LEKR1: variants seen among roughly 807,000 people sequenced by gnomAD.
LEKR1 encodes the protein leucine, glutamate and lysine rich 1.
In LEKR1, 59 loss-of-function variants were observed where a neutral mutation model predicts 72.4. The ratio of observed to expected loss-of-function variants is 0.82; its 90% CI spans 0.66 to 1.01. The LOEUF (loss-of-function observed/expected upper bound fraction) is 1.01, where lower values mean the gene tolerates loss of function less well. LEKR1 is among the 50% of genes least tolerant of loss of function. The pLI is 0.00. For synonymous variants in LEKR1, 257 were observed against 263.2 expected (o/e 0.98, Z 0.23); for missense variants, 728 against 759.2 (o/e 0.96, Z 0.48).
intron 9 of LEKR1, among the ~76,000 whole-genome samples, chr3:157,007,728 C>T (rs1478797541): frequency 6.6e-6 from 1 of 152,206 alleles, no homozygotes; most frequent in Non-Finnish European, 1.5e-5. Context: ...AAGAGCTGCT[C>T]CCTGGGCTCT....
chr3:156,931,574 C>G (rs1725228007), intron 5 of LEKR1, among the ~76,000 whole-genome samples: 1 of 152,032 alleles, frequency 6.6e-6, no homozygotes, highest in African/African-American at 2.4e-5. Flanking sequence ...AAGCTTAATT[C>G]AAAATATCCT....
At chr3:156,850,431 G>T (rs1285148680) in intron 2 of LEKR1, among the ~76,000 whole-genome samples, 1 of 152,064 alleles carries the variant, frequency 6.6e-6, no homozygotes, top group African/African-American at 2.4e-5. Context: ...TGGCAAGTAG[G>T]GAAGCCACAA....
intron 5 of LEKR1, among the ~76,000 whole-genome samples, chr3:156,933,028 TCAAACAAACAAA>T (rs373732154): frequency 6.6e-6 from 1 of 151,894 alleles, no homozygotes; most frequent in Non-Finnish European, 1.5e-5. Flanking sequence ...AGACTCCGTC[TCAAACAAACAAA>T]CAAACAAACA....
At chr3:157,030,216 C>A in intron 12 of LEKR1, among the ~76,000 whole-genome samples, 1 of 152,146 alleles carries the variant, frequency 6.6e-6, no homozygotes, top group East Asian at 1.9e-4. Context: ...AGAACTCATT[C>A]ATCACCAAGG....
intron 6 of LEKR1, among the ~76,000 whole-genome samples, chr3:156,965,576 T>C (rs1387438653): frequency 6.6e-6 from 1 of 152,172 alleles, no homozygotes; most frequent in Non-Finnish European, 1.5e-5. Context: ...TATATATCCA[T>C]ACTTATTCTA....
At chr3:156,946,510 TTGTG>T (rs1043068329) in intron 6 of LEKR1, among the ~76,000 whole-genome samples, 4 of 151,556 alleles carry the variant, frequency 2.6e-5, no homozygotes, top group Admixed American at 2.0e-4. Context: ...GGCATCCTTG[TTGTG>T]TTCCAGACTT....
rs1158187025 is a variant in LEKR1, at chr3:156,849,404, CTACTT to C, written c.49-3361_49-3357del. 6.6e-5 allele frequency among the ~76,000 whole-genome samples: 10 copies of C among 152,258 alleles called. No individual in the cohort carries two copies. In the East Asian group the frequency reaches 1.7e-3, roughly 26 times the overall value. On this transcript the variant is annotated intron_variant, in intron 2 of 12. Coordinates refer to ENST00000356539, the MANE Select transcript of LEKR1 (RefSeq NM_001004316.3). ...ACTTTCTTCACAGAATTGGAAAAAA[CTACTT>C]TAAAGTTCATATGGAACCAAAAAAG...
In LEKR1 at chr3:156,899,468, GTATATATACATACATACATATATACACAT is replaced by G. The variant is rs1721646603; in HGVS notation, c.264-21106_264-21078del. Among the ~76,000 whole-genome samples, 3 of 63,916 alleles carry G rather than the reference GTATATATACATACATACATATATACACAT, an allele frequency of 4.7e-5. 1 individual carries two copies. Among genetic ancestry groups the G allele is most frequent in the African/African-American group, 1.8e-4 (3 of 17,026 alleles). The allele number at this position is 63,916 out of a possible 152,430, so 41.9% of individuals were successfully genotyped here. ...TATACATATATACACATATATACAT[GTATATATACATACATACATATATACACAT>G]ATATACATGTATATATACATACATA... is the stretch of plus-strand genomic sequence containing the variant. On this transcript the variant is annotated intron_variant, in intron 3 of 12. Coordinates refer to ENST00000356539, the MANE Select transcript of LEKR1 (RefSeq NM_001004316.3).
chr3:156,940,039 C>T (rs1252741689), intron 5 of LEKR1, among the ~76,000 whole-genome samples: 1 of 152,114 alleles, frequency 6.6e-6, no homozygotes, highest in Non-Finnish European at 1.5e-5. Flanking sequence ...AAAATGCCTG[C>T]CTCTGAAATG....
intron 6 of LEKR1, among the ~76,000 whole-genome samples, chr3:156,944,089 G>C (rs1726470141): frequency 6.6e-6 from 1 of 150,402 alleles, no homozygotes; most frequent in African/African-American, 2.4e-5. Flanking sequence ...GAAGTTTTTT[G>C]TTTTGGTATA....
intron 3 of LEKR1, among the ~76,000 whole-genome samples, chr3:156,872,462 C>T (rs550230376): frequency 6.6e-6 from 1 of 151,798 alleles, no homozygotes; most frequent in South Asian, 2.1e-4. Flanking sequence ...CCAATCTTTA[C>T]TATTTCATTC....
intron 3 of LEKR1, among the ~76,000 whole-genome samples, chr3:156,859,985 G>A (rs1344088313): frequency 6.6e-6 from 1 of 152,086 alleles, no homozygotes; most frequent in Non-Finnish European, 1.5e-5. Flanking sequence ...CCTTGTCTGG[G>A]ATATATGAGA....
intron 9 of LEKR1, among the ~76,000 whole-genome samples, chr3:157,008,241 A>G (rs76724590): frequency 0.019 from 2,889 of 152,250 alleles, 69 homozygotes; most frequent in East Asian, 0.1. Flanking sequence ...CCAGGGCTGG[A>G]TGACACTGCC....
intron 6 of LEKR1, among the ~76,000 whole-genome samples, chr3:156,946,555 A>G (rs955361833): frequency 7.9e-5 from 12 of 151,472 alleles, no homozygotes; most frequent in African/African-American, 2.7e-4. Flanking sequence ...TTCCCTGCTC[A>G]GTATGATACT....
intron 12 of LEKR1, among the ~76,000 whole-genome samples, chr3:157,034,924 T>C (rs987629303): frequency 3.9e-5 from 6 of 152,292 alleles, no homozygotes; most frequent in Non-Finnish European, 7.4e-5. Context: ...GTGATTTCTG[T>C]GCTGTTGTCT....
At chr3:157,025,106 A>G (rs1203403923) in intron 11 of LEKR1, among the ~76,000 whole-genome samples, 182 bp downstream of exon 11, 2 of 152,216 alleles carry the variant, frequency 1.3e-5, no homozygotes, top group Non-Finnish European at 2.9e-5. Context: ...AACTGAGATA[A>G]GTTATACAAG....
At chr3:156,992,568 T>C (rs1181758439) in intron 7 of LEKR1, 85 bp from the exon 8 acceptor site, 1 of 233,582 alleles carries the variant, frequency 4.3e-6, no homozygotes, top group African/African-American at 2.4e-5. Flanking sequence ...AGAAATTTCT[T>C]CTATTGATGA....
intron 5 of LEKR1, among the ~76,000 whole-genome samples, chr3:156,939,053 T>C (rs959710964): frequency 1.3e-5 from 2 of 152,240 alleles, no homozygotes; most frequent in South Asian, 4.1e-4. Flanking sequence ...AGTACAAACA[T>C]TTTAAATAAC....
At chr3:156,954,193 T>G (rs1386063254) in intron 6 of LEKR1, among the ~76,000 whole-genome samples, 1 of 151,756 alleles carries the variant, frequency 6.6e-6, no homozygotes, top group Admixed American at 6.6e-5. Flanking sequence ...GTTCTTTGCC[T>G]ACTTTTTAAT....
Sources: gnomAD v4.1 joint callset for allele counts (sites outside exome capture counted in the v4.1 genomes callset) on GRCh38, gnomAD v4.1.1 for gene constraint, MANE v1.5 for transcripts, NCBI Gene and HGNC (gene_info 2026-07-23, HGNC 2026-07-21) for gene names.